SHISA6: variants seen among roughly 807,000 people sequenced by gnomAD.
SHISA6 encodes shisa family member 6.
SHISA6 carries 22 observed loss-of-function variants against 47.9 expected under a neutral mutation model. That is an observed-to-expected ratio of 0.46 (90% CI 0.33 to 0.66). SHISA6 has a LOEUF of 0.66. Among genes scored for constraint, SHISA6 ranks in the 30% least tolerant of loss-of-function variants. SHISA6 has a pLI of 0.02. For missense variants in SHISA6, 680 were observed against 764.6 expected, an observed-to-expected ratio of 0.89 and a Z score of 1.30; for synonymous variants, 388 against 337.8, an observed-to-expected ratio of 1.15 and a Z score of -1.63.
chr17:11,522,265 C>CTAT (rs1253046034), intron 3 of SHISA6, among the ~76,000 whole-genome samples: 3 of 151,284 alleles, frequency 2.0e-5, no homozygotes, highest in Non-Finnish European at 1.5e-5. Flanking sequence ...ATGCCTGGCC[C>CTAT]TATTATTATT....
At chr17:11,256,294 G>C (rs866757537) in intron 1 of SHISA6, among the ~76,000 whole-genome samples, 2 of 152,126 alleles carry the variant, frequency 1.3e-5, no homozygotes, top group Admixed American at 6.5e-5. Context: ...TCAGGAGTTC[G>C]AGACCAGCCT....
intron 2 of SHISA6, among the ~76,000 whole-genome samples, chr17:11,335,570 G>A (rs1465409822): frequency 6.6e-6 from 1 of 152,134 alleles, no homozygotes; most frequent in African/African-American, 2.4e-5. Flanking sequence ...GAGTAGTGCA[G>A]AATCCATGGA....
chr17:11,291,710 T>C (rs1056496835), intron 2 of SHISA6, among the ~76,000 whole-genome samples: 1 of 152,020 alleles, frequency 6.6e-6, no homozygotes, highest in African/African-American at 2.4e-5. Flanking sequence ...AAATCCAAGA[T>C]CAAGATGTGG....
At chr17:11,436,195 A>G (rs960322871) in intron 3 of SHISA6, among the ~76,000 whole-genome samples, 9 of 152,076 alleles carry the variant, frequency 5.9e-5, no homozygotes, top group African/African-American at 2.2e-4. Context: ...TTTCAAAGAG[A>G]AGGTCATGTG....
chr17:11,278,916 C>A (rs746035508), intron 2 of SHISA6, among the ~76,000 whole-genome samples: 2 of 152,196 alleles, frequency 1.3e-5, no homozygotes, highest in African/African-American at 4.8e-5. Context: ...GCTGGGTGGC[C>A]GAGGCAGGCA....
chr17:11,370,646 G>T (rs2142237388), intron 2 of SHISA6, among the ~76,000 whole-genome samples: 1 of 152,228 alleles, frequency 6.6e-6, no homozygotes, highest in African/African-American at 2.4e-5. Context: ...TTCCGTATCT[G>T]ATGAGATCTT....
At chr17:11,331,308 C>T (rs1305453851) in intron 2 of SHISA6, among the ~76,000 whole-genome samples, 2 of 152,272 alleles carry the variant, frequency 1.3e-5, no homozygotes, top group African/African-American at 2.4e-5. Context: ...AAAGAGACAA[C>T]AAACAGCATT....
chr17:11,468,506 C>T (rs1374253323), intron 3 of SHISA6, among the ~76,000 whole-genome samples: 2 of 152,024 alleles, frequency 1.3e-5, no homozygotes, highest in African/African-American at 2.4e-5. Flanking sequence ...TGGTTTTCAT[C>T]TGAACACTAA....
chr17:11,517,474 T>C (rs1264891841), intron 3 of SHISA6, among the ~76,000 whole-genome samples: 1 of 152,150 alleles, frequency 6.6e-6, no homozygotes, highest in Non-Finnish European at 1.5e-5. Flanking sequence ...TTCAGATTAA[T>C]TTTTTTCTTT....
intron 3 of SHISA6, among the ~76,000 whole-genome samples, chr17:11,521,794 C>A (rs2071632137): frequency 6.6e-6 from 1 of 151,998 alleles, no homozygotes; most frequent in South Asian, 2.1e-4. Context: ...CAGAGCAAGA[C>A]CCTGTCTCTT....
chr17:11,263,056 CCTGCCTGGCATAGGTGGATATTTG>C (rs1908293357), intron 1 of SHISA6, among the ~76,000 whole-genome samples: 1 of 152,166 alleles, frequency 6.6e-6, no homozygotes, highest in Admixed American at 6.5e-5. Context: ...GCTATAGATA[CCTGCCTGGCATAGGTGGATATTTG>C]GGGAGCCAGT....
At chr17:11,334,817 C>G (rs796955064) in intron 2 of SHISA6, among the ~76,000 whole-genome samples, 5 of 152,322 alleles carry the variant, frequency 3.3e-5, no homozygotes, top group African/African-American at 1.2e-4. Flanking sequence ...CTGTGGACAC[C>G]TGGAATTCAG....
intron 3 of SHISA6, among the ~76,000 whole-genome samples, chr17:11,429,086 G>C (rs1009366225): frequency 6.6e-6 from 1 of 152,086 alleles, no homozygotes; most frequent in Non-Finnish European, 1.5e-5. Flanking sequence ...ACCGTGCCCG[G>C]CCAAGGGATC....
chr17:11,498,456 C>T (rs145621679), intron 3 of SHISA6, among the ~76,000 whole-genome samples: 2 of 152,268 alleles, frequency 1.3e-5, no homozygotes, highest in Non-Finnish European at 2.9e-5. Context: ...TTCAATAATA[C>T]AGTGGGGTGA....
intron 3 of SHISA6, among the ~76,000 whole-genome samples, chr17:11,398,988 C>G (rs1326657983): frequency 6.6e-6 from 1 of 151,862 alleles, no homozygotes; most frequent in African/African-American, 2.4e-5. Context: ...TCTTGCTCAC[C>G]ACAAGGATTG....
chr17:11,369,411 G>A (rs754516885), intron 2 of SHISA6, among the ~76,000 whole-genome samples: 2 of 152,240 alleles, frequency 1.3e-5, no homozygotes, highest in Non-Finnish European at 2.9e-5. Flanking sequence ...ATCTAAGACG[G>A]TGGCAGTTTC....
intron 2 of SHISA6, among the ~76,000 whole-genome samples, chr17:11,367,671 TAGCTGGTGGGCTCTC>T (rs1912501631): frequency 6.6e-6 from 1 of 152,096 alleles, no homozygotes; most frequent in African/African-American, 2.4e-5. Flanking sequence ...CTACTAGATG[TAGCTGGTGGGCTCTC>T]ACCACTGGCG....
intron 1 of SHISA6, among the ~76,000 whole-genome samples, chr17:11,249,137 C>CAAAAAAA (rs139559354): frequency 1.7e-5 from 1 of 60,502 alleles, no homozygotes; most frequent in Non-Finnish European, 3.4e-5. Context: ...GACTCCGTCT[C>CAAAAAAA]AAAAAAAAAA....
intron 3 of SHISA6, among the ~76,000 whole-genome samples, chr17:11,527,598 C>CA (rs1049625772): frequency 1.3e-3 from 192 of 152,120 alleles, no homozygotes; most frequent in African/African-American, 4.3e-3. Flanking sequence ...ATTACTGCCA[C>CA]AAAAAATGAC....
Sources: allele counts gnomAD v4.1 joint callset (sites outside exome capture counted in the v4.1 genomes callset), GRCh38; gene constraint gnomAD v4.1.1; transcripts MANE v1.5; gene names NCBI Gene and HGNC (gene_info 2026-07-23, HGNC 2026-07-21).